PPP2R5C: variants seen among roughly 807,000 people sequenced by gnomAD.
PPP2R5C encodes protein phosphatase 2 regulatory subunit B'gamma.
Under a neutral mutation model 68.9 loss-of-function variants are expected in PPP2R5C, and 7 were observed. The ratio of observed to expected loss-of-function variants is 0.10; its 90% CI spans 0.06 to 0.19. The LOEUF is 0.19. Ranked by LOEUF, PPP2R5C falls within the 10% of genes least tolerant of loss-of-function variation. The pLI is 1.00. For missense variants in PPP2R5C, 348 were observed against 641.3 expected (o/e 0.54, Z 4.94); for synonymous variants, 210 against 222.2 (o/e 0.95, Z 0.49).
chr14:101,808,600 C>A (rs574424489), upstream of PPP2R5C, among the ~76,000 whole-genome samples: 1 of 152,368 alleles, frequency 6.6e-6, no homozygotes, highest in South Asian at 2.1e-4. Context: ...TGGCGCTAAA[C>A]CCTCAGCTGG....
chr14:101,809,531 TCA>T (rs1353038464), upstream of PPP2R5C, among the ~76,000 whole-genome samples: 1 of 150,686 alleles, frequency 6.6e-6, no homozygotes, highest in Admixed American at 6.6e-5. Flanking sequence ...ATGCTAAAGT[TCA>T]CACAGACATA....
chr14:101,794,436 T>C (rs1357096623), intron 3 of PPP2R5C, among the ~76,000 whole-genome samples: 1 of 152,234 alleles, frequency 6.6e-6, no homozygotes, highest in African/African-American at 2.4e-5. Context: ...TTCCATGCGA[T>C]GTTGCCCAAG....
chr14:101,795,144 T>G (rs1595181243), intron 3 of PPP2R5C, among the ~76,000 whole-genome samples: 2 of 152,346 alleles, frequency 1.3e-5, no homozygotes, highest in South Asian at 4.1e-4. Flanking sequence ...AATGATACTG[T>G]TCTGTTAATC....
At position 101,877,196 on chromosome 14, in the gene PPP2R5C, G is replaced by A. The variant is rs976499206; in HGVS notation, c.295-4965G>A. Among the ~76,000 whole-genome samples, 2 of 151,982 alleles carry A rather than the reference G, an allele frequency of 1.3e-5. No homozygotes were observed. Among genetic ancestry groups the A allele is most frequent in the Admixed American group, 6.6e-5 (1 of 15,262 alleles). ...ACTCTTGACCTCAAGTGATCCACCC[G>A]CCTCGGCCTCCCAAAGTGCTGGGAT... On this transcript the variant is annotated intron_variant, in intron 2 of 13. Transcript: ENST00000334743. The surrounding 1 kb of genome is among the most constrained non-coding windows in gnomAD (Gnocchi z 4.2).
At chr14:101,845,083 G>T (rs1398562799) in intron 1 of PPP2R5C, among the ~76,000 whole-genome samples, 1 of 151,740 alleles carries the variant, frequency 6.6e-6, no homozygotes, top group East Asian at 1.9e-4. Flanking sequence ...TGCTGTGCTG[G>T]ATTTATATCT....
At chr14:101,868,682 A>G (rs2043223460) in intron 2 of PPP2R5C, among the ~76,000 whole-genome samples, 1 of 152,234 alleles carries the variant, frequency 6.6e-6, no homozygotes, top group African/African-American at 2.4e-5. Context: ...CTTTTGGTCT[A>G]GGGGTGCAGT....
At chr14:101,910,215 A>G (rs2141098276) in intron 11 of PPP2R5C, among the ~76,000 whole-genome samples, 1 of 152,336 alleles carries the variant, frequency 6.6e-6, no homozygotes, top group East Asian at 1.9e-4. Context: ...TCTAAGTGAC[A>G]AAGTACTTCG....
At chr14:101,819,378 A>C (rs780163371) in intron 1 of PPP2R5C, 1 of 319,692 alleles carries the variant, frequency 3.1e-6, no homozygotes. Context: ...TTTACCTCTC[A>C]CTGTGTGGAC....
chr14:101,784,511 G>C (rs757273233), intron 2 of PPP2R5C, among the ~76,000 whole-genome samples: 18 of 135,860 alleles, frequency 1.3e-4, no homozygotes, highest in South Asian at 2.3e-4. Flanking sequence ...GAGAGAAAGT[G>C]GGGGGGGGGA....
chr14:101,881,448 T>C (rs1226750399), intron 2 of PPP2R5C, among the ~76,000 whole-genome samples: 2 of 152,182 alleles, frequency 1.3e-5, no homozygotes, highest in Admixed American at 6.5e-5. Context: ...AAAAATAGGT[T>C]ATAAATGTAT....
chr14:101,869,491 A>G lies in PPP2R5C; in HGVS notation c.294+12606A>G, dbSNP rs149129272. Among the ~76,000 whole-genome samples, 252 of 152,286 alleles carry G rather than the reference A, an allele frequency of 1.7e-3. 1 individual carries two copies. The highest frequency in any genetic ancestry group is 2.6e-3 in the Non-Finnish European group (174 of 68,016). Reference sequence around the variant, plus strand: ...ATGGTAAGTGTGTGTTGAGCTTTCTAAGGAACTGCCAAACCGTTTTCCAAA... The same window carrying G: ...ATGGTAAGTGTGTGTTGAGCTTTCTGAGGAACTGCCAAACCGTTTTCCAAA... On this transcript the variant is annotated intron_variant, in intron 2 of 13. Transcript: ENST00000334743.
At chr14:101,784,275 C>T (rs1595156123) in intron 2 of PPP2R5C, among the ~76,000 whole-genome samples, 1 of 152,192 alleles carries the variant, frequency 6.6e-6, no homozygotes, top group South Asian at 2.1e-4. Context: ...GTTGGTGTGT[C>T]TGCTCTCCTT....
intron 2 of PPP2R5C, among the ~76,000 whole-genome samples, chr14:101,783,549 G>T (rs2037942728): frequency 6.6e-6 from 1 of 151,898 alleles, no homozygotes; most frequent in Admixed American, 6.5e-5. Context: ...GTGGGGCATG[G>T]TGGCCAAAAG....
At chr14:101,786,088 T>C in exon 3 of PPP2R5C, 1 of 1,565,596 alleles carries the variant, frequency 6.4e-7, no homozygotes, top group South Asian at 1.2e-5. Context: ...AAAGTACCAG[T>C]CTCTCAGCCC....
chr14:101,786,010 T>C lies in PPP2R5C; in HGVS notation c.94-8T>C. ...CATATTCATTTGTTTTTGTTTTTGT[T>C]TTGGAAGCAAATTTCCGTCAGGAAA... On this transcript the variant is annotated splice_polypyrimidine_tract_variant and splice_region_variant and intron_variant, in intron 2 of 14. Transcript: ENST00000328724. 6.6e-7 allele frequency: 1 copy of C among 1,521,758 alleles called. No individual in the cohort carries two copies. Among genetic ancestry groups the C allele is most frequent in the South Asian group, 1.3e-5 (1 of 78,820 alleles). 94.3% of individuals were successfully genotyped at this position (1,521,758 alleles called of 1,614,324 possible).
intron 2 of PPP2R5C, chr14:101,765,250 G>A: frequency 1.4e-6 from 1 of 702,746 alleles, no homozygotes; most frequent in South Asian, 1.5e-5. Flanking sequence ...GGATACCAGA[G>A]GCAACCTGGC....
At chr14:101,892,117 G>A in intron 6 of PPP2R5C, among the ~76,000 whole-genome samples, 1 of 152,056 alleles carries the variant, frequency 6.6e-6, no homozygotes, top group Non-Finnish European at 1.5e-5. Context: ...CACCGCGCCT[G>A]GCTATTTTTT....
intron 1 of PPP2R5C, among the ~76,000 whole-genome samples, chr14:101,829,364 C>T (rs1038352521): frequency 4.6e-5 from 7 of 151,718 alleles, no homozygotes; most frequent in African/African-American, 1.7e-4. Flanking sequence ...CTTCTTCAAT[C>T]TCCAGCTACC....
chr14:101,788,474 C>T (rs554277502), intron 3 of PPP2R5C, among the ~76,000 whole-genome samples: 1 of 152,344 alleles, frequency 6.6e-6, no homozygotes, highest in East Asian at 1.9e-4. Flanking sequence ...TTTACCTCTT[C>T]TGAGGAGTCG....
Sources: gnomAD v4.1 joint callset for allele counts (sites outside exome capture counted in the v4.1 genomes callset) on GRCh38, gnomAD v4.1.1 for gene constraint, Gnocchi (gnomAD v3.1) non-coding constraint, MANE v1.5 for transcripts, NCBI Gene and HGNC (gene_info 2026-07-23, HGNC 2026-07-21) for gene names.